ADGRL3: variants seen among roughly 807,000 people sequenced by gnomAD.
The protein encoded by ADGRL3 is calcium-independent alpha-latrotoxin receptor 3.
In ADGRL3, 62 loss-of-function variants were observed where a neutral mutation model predicts 153.5. That is an observed-to-expected ratio of 0.40 (90% CI 0.33 to 0.50). ADGRL3 has a LOEUF of 0.50. ADGRL3 is among the 20% of genes least tolerant of loss of function. ADGRL3 has a pLI of 0.47. For synonymous variants in ADGRL3, 710 were observed against 672.5 expected (o/e 1.06, Z -0.86); for missense variants, 1,641 against 1,859.4 (o/e 0.88, Z 2.16).
intron 2 of ADGRL3, among the ~76,000 whole-genome samples, chr4:61,471,661 A>G (rs1342138860): frequency 6.6e-6 from 1 of 152,012 alleles, no homozygotes; most frequent in Non-Finnish European, 1.5e-5. Flanking sequence ...TTATCTTAAA[A>G]TGATCTGGAG....
chr4:61,478,152 A>C (rs1239552465), intron 2 of ADGRL3, among the ~76,000 whole-genome samples: 1 of 152,108 alleles, frequency 6.6e-6, no homozygotes, highest in East Asian at 1.9e-4. Context: ...TAAAAAGTTT[A>C]TATATGTCAG....
chr4:61,485,085 T>C (rs752872768), intron 2 of ADGRL3, among the ~76,000 whole-genome samples: 43 of 152,202 alleles, frequency 2.8e-4, no homozygotes, highest in Non-Finnish European at 4.7e-4. Flanking sequence ...TAATTGTCCC[T>C]GCCTCCCTTT....
At chr4:61,665,428 AAAAC>A (rs1318751605) in intron 5 of ADGRL3, among the ~76,000 whole-genome samples, 8 of 152,030 alleles carry the variant, frequency 5.3e-5, no homozygotes, top group African/African-American at 1.9e-4. Flanking sequence ...AACGAAAACA[AAAAC>A]AAACAAAAAA....
chr4:61,665,847 T>A (rs895207627), intron 5 of ADGRL3, among the ~76,000 whole-genome samples: 2 of 152,108 alleles, frequency 1.3e-5, no homozygotes, highest in African/African-American at 4.8e-5. Context: ...TCAGCCTGAC[T>A]AGCCTCAGTA....
chr4:61,581,379 GGT>G (rs149414684), intron 4 of ADGRL3, among the ~76,000 whole-genome samples: 7,383 of 151,892 alleles, frequency 0.049, 545 homozygotes, highest in African/African-American at 0.16. Flanking sequence ...TCCATCCAGG[GGT>G]GTGTTTTTCA....
intron 5 of ADGRL3, among the ~76,000 whole-genome samples, chr4:61,621,017 G>T (rs1268338884): frequency 6.6e-6 from 1 of 151,860 alleles, no homozygotes; most frequent in Non-Finnish European, 1.5e-5. Flanking sequence ...CGGCTTATTT[G>T]TTATTTTTGT....
intron 1 of ADGRL3, among the ~76,000 whole-genome samples, chr4:61,360,054 C>G (rs943713073): frequency 6.6e-6 from 1 of 152,106 alleles, no homozygotes; most frequent in African/African-American, 2.4e-5. Context: ...TCTAAATTAT[C>G]TACTGCTACA....
chr4:61,800,929 T>A (rs60683749), intron 8 of ADGRL3, among the ~76,000 whole-genome samples: 8,052 of 152,268 alleles, frequency 0.053, 362 homozygotes, highest in African/African-American at 0.12. Flanking sequence ...CTTTTGGAAC[T>A]TCTTCAGCCA....
chr4:61,442,171 AT>A (rs1164957433), intron 2 of ADGRL3, among the ~76,000 whole-genome samples: 1 of 152,204 alleles, frequency 6.6e-6, no homozygotes, highest in Non-Finnish European at 1.5e-5. Flanking sequence ...CAAGTAAAAT[AT>A]TTTGGAAATA....
At chr4:61,206,289 A>C (rs1474861252) in intron 1 of ADGRL3, among the ~76,000 whole-genome samples, 1 of 152,212 alleles carries the variant, frequency 6.6e-6, no homozygotes, top group Non-Finnish European at 1.5e-5. Context: ...TGTGGATGGT[A>C]ATCCTACTTA....
intron 19 of ADGRL3, among the ~76,000 whole-genome samples, chr4:61,987,520 A>AC (rs1182802818): frequency 1.3e-5 from 2 of 151,834 alleles, no homozygotes; most frequent in Admixed American, 1.3e-4. Flanking sequence ...CCTGCTCACC[A>AC]CGTGCATCTT....
chr4:61,688,717 T>C (rs943068492), intron 6 of ADGRL3, among the ~76,000 whole-genome samples: 1 of 152,126 alleles, frequency 6.6e-6, no homozygotes, highest in African/African-American at 2.4e-5. Context: ...CTTAGAGTTA[T>C]AGTATTCTCT....
chr4:61,490,911 G>A (rs2098250917), intron 2 of ADGRL3, among the ~76,000 whole-genome samples: 2 of 152,106 alleles, frequency 1.3e-5, no homozygotes, highest in Admixed American at 1.3e-4. Context: ...TAAAGGAGAA[G>A]CATATGTGTA....
chr4:61,910,214 CTG>C (rs1258746539), intron 12 of ADGRL3, among the ~76,000 whole-genome samples: 3 of 151,846 alleles, frequency 2.0e-5, no homozygotes, highest in East Asian at 1.9e-4. Context: ...GATTTAAAAA[CTG>C]AGATAATTTA....
intron 2 of ADGRL3, among the ~76,000 whole-genome samples, chr4:61,431,168 A>G (rs1404272089): frequency 6.6e-6 from 1 of 152,204 alleles, no homozygotes; most frequent in African/African-American, 2.4e-5. Flanking sequence ...TAATCTCTTT[A>G]TAGACTCCGT....
At chr4:61,416,255 G>A (rs1291597457) in intron 2 of ADGRL3, among the ~76,000 whole-genome samples, 2 of 151,732 alleles carry the variant, frequency 1.3e-5, no homozygotes, top group African/African-American at 4.8e-5. Flanking sequence ...AAAAAATGAT[G>A]GAAATCAAAG....
intron 4 of ADGRL3, among the ~76,000 whole-genome samples, chr4:61,532,752 T>TAAA (rs75750017): frequency 0.023 from 3,271 of 142,158 alleles, 116 homozygotes; most frequent in African/African-American, 0.077. Context: ...TTTAGATGTT[T>TAAA]AAAAAAAAAA....
rs1008688333 is a variant in ADGRL3 at position 61,320,055 on chromosome 4, C to T, written c.-239-63069C>T. On this transcript the variant is annotated intron_variant, in intron 1 of 26. Coordinates refer to ENST00000683033, the MANE Select transcript of ADGRL3 (RefSeq NM_001387552.1). ...GCTCTTATAAGAAGAGGAGGAGACA[C>T]CAGAGCTCTCTTTCTCCTCCATATG... Among the ~76,000 whole-genome samples, 9 of 152,058 alleles carry T rather than the reference C, an allele frequency of 5.9e-5. No individual in the cohort carries two copies. In the East Asian group the frequency reaches 1.7e-3, roughly 29 times the overall value.
At chr4:61,443,509 A>T (rs887263595) in intron 2 of ADGRL3, among the ~76,000 whole-genome samples, 1 of 152,192 alleles carries the variant, frequency 6.6e-6, no homozygotes, top group Non-Finnish European at 1.5e-5. Flanking sequence ...ACCCATAAAA[A>T]TATTCAAATG....
Sources: gnomAD v4.1 joint callset for allele counts (sites outside exome capture counted in the v4.1 genomes callset) on GRCh38, gnomAD v4.1.1 for gene constraint, MANE v1.5 for transcripts, NCBI Gene and HGNC (gene_info 2026-07-23, HGNC 2026-07-21) for gene names.